Variants in KIAA0586 observed in about 807,000 individuals in gnomAD.
The protein encoded by KIAA0586 is protein TALPID3.
KIAA0586 carries 144 observed loss-of-function variants against 169.8 expected under a neutral mutation model. The observed-to-expected ratio is 0.85, with a 90% CI of 0.74 to 0.97. KIAA0586 has a LOEUF of 0.97. KIAA0586 is among the 50% of genes least tolerant of loss of function. The pLI is 0.00. For synonymous variants in KIAA0586, 625 were observed against 612.4 expected, an observed-to-expected ratio of 1.02 and a Z score of -0.30; for missense variants, 1,854 against 1,823.0, an observed-to-expected ratio of 1.02 and a Z score of -0.31.
chr14:58,457,852 G>C lies in KIAA0586; in HGVS notation c.1456G>C (p.Asp486His). The stretch of plus-strand genomic sequence containing the variant: ...CAATACAACAAGATCTGTATTGAAA[G>C]ATGCTGAGAAGATTTTGAGAGGAGT... ...TTNTTRSVLK[D>H]AEKILRGVQN... Residue 486 changes from aspartate (D) to histidine (H), a missense_variant, in exon 11 of 31, where the codon GAT becomes CAT. By Grantham distance (81) the Asp-to-His change is moderately conservative. Transcript: ENST00000652326. 6.2e-7 allele frequency: 1 copy of C among 1,608,902 alleles called. No homozygotes were observed. Among genetic ancestry groups the C allele is most frequent in the Non-Finnish European group, 8.5e-7 (1 of 1,177,304 alleles).
chr14:58,502,101 A>C (rs1335933061), intron 27 of KIAA0586, among the ~76,000 whole-genome samples: 1 of 152,178 alleles, frequency 6.6e-6, no homozygotes, highest in Non-Finnish European at 1.5e-5. Flanking sequence ...TCCCAAGAGA[A>C]AGTAAGCAAT....
chr14:58,507,204 G>A (rs2044027287), intron 27 of KIAA0586, among the ~76,000 whole-genome samples: 1 of 143,170 alleles, frequency 7.0e-6, no homozygotes, highest in Non-Finnish European at 1.5e-5. Flanking sequence ...TTATATATAT[G>A]TATGATTTAT....
chr14:58,490,163 G>T lies in KIAA0586; in HGVS notation c.3782-1G>T. 1 of 1,324,546 alleles carries T rather than the reference G, an allele frequency of 7.5e-7. No individual in the cohort carries two copies. The highest frequency in any genetic ancestry group is 1.0e-6 in the Non-Finnish European group (1 of 972,218). 82.0% of individuals were successfully genotyped at this position (1,324,546 alleles called of 1,614,324 possible). ...CTAAACTTTTATATTTTAATTTCTAGTTTTAGAAGATATAGGACTGTACCT... is the reference window on the plus strand; with the variant it reads ...CTAAACTTTTATATTTTAATTTCTATTTTTAGAAGATATAGGACTGTACCT... On this transcript the variant is annotated splice_acceptor_variant, in intron 24 of 30. Transcript: ENST00000652326. LOFTEE classifies it high-confidence loss of function.
At chr14:58,447,567 G>A (rs929315970) in intron 6 of KIAA0586, among the ~76,000 whole-genome samples, 5 of 151,696 alleles carry the variant, frequency 3.3e-5, no homozygotes, top group South Asian at 2.1e-4. Flanking sequence ...TGCCACCTCC[G>A]TGTCCCGGGT....
intron 27 of KIAA0586, among the ~76,000 whole-genome samples, chr14:58,503,806 A>C (rs1003299661): frequency 6.6e-6 from 1 of 151,038 alleles, no homozygotes; most frequent in Non-Finnish European, 1.5e-5. Flanking sequence ...ACAGGGGACA[A>C]AGGCAAAAAA....
intron 21 of KIAA0586, among the ~76,000 whole-genome samples, chr14:58,486,583 C>T (rs1227629673): frequency 6.6e-6 from 1 of 151,958 alleles, no homozygotes. Context: ...GTCAGAATGG[C>T]TATTATTAAA....
In KIAA0586 at chr14:58,450,983, C is replaced by CT. The variant is rs10712126; in HGVS notation, c.1129+258dup. Among the ~76,000 whole-genome samples the CT allele has an allele frequency of 1.1e-3, 93 of 85,304 alleles. 1 individual carries two copies. Among genetic ancestry groups the CT allele is most frequent in the Admixed American group, 1.7e-3 (13 of 7,718 alleles). The allele number at this position is 85,304 out of a possible 152,430, so 56.0% of individuals were successfully genotyped here. A position where few individuals can be genotyped will look rare whatever the true frequency, so the allele number is the denominator to read the frequency against. The stretch of plus-strand genomic sequence containing the variant: ...ACCTTTAATGAACAAGTTTTGTTAA[C>CT]TTTTTTTTTTTTTTTTTTTTTCTGA... On this transcript the variant is annotated intron_variant, in intron 8 of 30. Transcript: ENST00000652326.
chr14:58,437,314 TGA>T (rs2037911555), intron 4 of KIAA0586, among the ~76,000 whole-genome samples: 1 of 152,170 alleles, frequency 6.6e-6, no homozygotes, highest in Non-Finnish European at 1.5e-5. Context: ...TATTACTCAT[TGA>T]GAAAGGAAAT....
chr14:58,428,452 G>T lies in KIAA0586; in HGVS notation c.188G>T (p.Gly63Val). The T allele has an allele frequency of 6.2e-7, 1 of 1,611,042 alleles. No individual in the cohort carries two copies. The highest frequency in any genetic ancestry group is 8.5e-7 in the Non-Finnish European group (1 of 1,177,206). ...GTTGGAACGGGGACTAGTTTGAATG[G>T]AACATCACGTGGTATGTGATTCCAT... Reference protein sequence around the residue: ...LPVGTGTSLNGTSRGSSDLTS... With the variant: ...LPVGTGTSLNVTSRGSSDLTS... The change falls in exon 1 of 31, where the codon GGA becomes GTA. Residue 63 changes from glycine to valine, a missense_variant. Coordinates refer to ENST00000652326, the MANE Select transcript of KIAA0586 (RefSeq NM_001329943.3).
At chr14:58,522,108 T>C in intron 29 of KIAA0586, 1 of 623,530 alleles carries the variant, frequency 1.6e-6, no homozygotes. Context: ...CTCACTGTTC[T>C]CCCAATCCTT....
chr14:58,543,649 T>G (rs1779016363), intron 30 of KIAA0586, among the ~76,000 whole-genome samples: 1 of 152,178 alleles, frequency 6.6e-6, no homozygotes, highest in South Asian at 2.1e-4. Context: ...CGCTCCCAAG[T>G]TTGTTGGTGT....
chr14:58,432,261 C>T (rs2140421216), intron 3 of KIAA0586, 127 bp from the exon 4 acceptor site: 4 of 598,710 alleles, frequency 6.7e-6, no homozygotes, highest in South Asian at 4.4e-5. Flanking sequence ...TTGTCCTTTT[C>T]GATCGTGGAA....
chr14:58,492,357 C>A, intron 26 of KIAA0586, 82 bp downstream of exon 26: 1 of 1,289,002 alleles, frequency 7.8e-7, no homozygotes, highest in Non-Finnish European at 1.0e-6. Context: ...CTAGTTAAAG[C>A]ATGCTAGTAT....
rs369957250 is a variant in KIAA0586, at chr14:58,518,149, CTTA to C, written c.4429+5527_4429+5529del. Among the ~76,000 whole-genome samples the C allele has an allele frequency of 7.0e-4, 107 of 152,140 alleles. No homozygotes were observed. The East Asian group carries it at 0.011, about 15-fold the overall frequency. Reference sequence around the variant, plus strand: ...TATTACTAAGTTTATGACACTTTTGCTTATTATGAATTTTCTTAATTAGCTTAT... The same window carrying C: ...TATTACTAAGTTTATGACACTTTTGCTTATGAATTTTCTTAATTAGCTTAT... On this transcript the variant is annotated intron_variant, in intron 29 of 30. Coordinates refer to ENST00000652326, the MANE Select transcript of KIAA0586 (RefSeq NM_001329943.3).
At chr14:58,429,950 G>A (rs970001936) in intron 2 of KIAA0586, among the ~76,000 whole-genome samples, 1 of 152,082 alleles carries the variant, frequency 6.6e-6, no homozygotes, top group Admixed American at 6.5e-5. Flanking sequence ...AGACTTTGAC[G>A]GCTAATCATA....
At chr14:58,447,430 G>A (rs1252524361) in intron 6 of KIAA0586, among the ~76,000 whole-genome samples, 2 of 147,450 alleles carry the variant, frequency 1.4e-5, no homozygotes, top group East Asian at 2.0e-4. Flanking sequence ...TAAGATACTT[G>A]CTCATTTCAG....
At chr14:58,505,554 A>G (rs561128184) in intron 27 of KIAA0586, among the ~76,000 whole-genome samples, 71 of 152,316 alleles carry the variant, frequency 4.7e-4, no homozygotes, top group African/African-American at 1.6e-3. Context: ...TGCTTTCTTG[A>G]AAGTTTAAAC....
chr14:58,428,081 A>C lies in KIAA0586; in HGVS notation c.-184A>C, dbSNP rs771076628. 2.1e-4 allele frequency: 311 copies of C among 1,449,632 alleles called. 1 individual carries two copies. Among genetic ancestry groups the C allele is most frequent in the Non-Finnish European group, 2.7e-4 (298 of 1,106,622 alleles). The allele number at this position is 1,449,632 out of a possible 1,614,324, so 89.8% of individuals were successfully genotyped here. On this transcript the variant is annotated 5_prime_UTR_variant, in exon 1 of 31. Coordinates refer to ENST00000652326, the MANE Select transcript of KIAA0586 (RefSeq NM_001329943.3). Reference sequence around the variant, plus strand: ...ATAGACTGAGTGGGATTAATGGGTAAATATGACTTTATAGTCAGCTCTAAT... The same window carrying C: ...ATAGACTGAGTGGGATTAATGGGTACATATGACTTTATAGTCAGCTCTAAT...
chr14:58,525,167 C>T (rs1452552475), intron 29 of KIAA0586, among the ~76,000 whole-genome samples: 2 of 151,944 alleles, frequency 1.3e-5, no homozygotes, highest in African/African-American at 4.8e-5. Flanking sequence ...GGTACATGTT[C>T]AATATAGTGT....
Sources: gnomAD v4.1 joint callset for allele counts (sites outside exome capture counted in the v4.1 genomes callset) on GRCh38, gnomAD v4.1.1 for gene constraint, MANE v1.5 for transcripts, NCBI Gene and HGNC (gene_info 2026-07-23, HGNC 2026-07-21) for gene names.